The following LMTK2 variants were observed in gnomAD, a reference collection of about 807,000 sequenced individuals.
The protein encoded by LMTK2 is lemur tail kinase 2.
In LMTK2, 37 loss-of-function variants were observed where a neutral mutation model predicts 127.5. The observed-to-expected ratio is 0.29, with a 90% CI of 0.22 to 0.38. LMTK2 has a LOEUF of 0.38. Ranked by LOEUF, LMTK2 falls within the 10% of genes least tolerant of loss-of-function variation. LMTK2 has a pLI of 1.00. For synonymous variants in LMTK2, 819 were observed against 810.1 expected (o/e 1.01, Z -0.19); for missense variants, 1,694 against 1,920.3 (o/e 0.88, Z 2.20).
Position 98,107,089 on chromosome 7 carries a change from C to A in LMTK2, c.-89C>A. The A allele has an allele frequency of 9.8e-7, 1 of 1,021,826 alleles. No homozygotes were observed. Among genetic ancestry groups the A allele is most frequent in the Non-Finnish European group, 1.3e-6 (1 of 761,564 alleles). 63.3% of individuals were successfully genotyped at this position (1,021,826 alleles called of 1,614,324 possible). On this transcript the variant is annotated 5_prime_UTR_variant, in exon 1 of 14. Coordinates refer to ENST00000297293, the MANE Select transcript of LMTK2 (RefSeq NM_014916.4). Reference sequence around the variant, plus strand: ...ACCGGCGCGGGTGCCACTGAGGCAGCGGAGGGAGGCAGGATCGACTGACGG... The same window carrying A: ...ACCGGCGCGGGTGCCACTGAGGCAGAGGAGGGAGGCAGGATCGACTGACGG...
chr7:98,158,774 G>A (rs147517481), intron 5 of LMTK2, among the ~76,000 whole-genome samples: 40 of 152,230 alleles, frequency 2.6e-4, no homozygotes, highest in African/African-American at 8.2e-4. Context: ...TCTTTGGTTT[G>A]GATTTTGGTA....
At chr7:98,152,234 TTATC>T (rs927338362) in intron 4 of LMTK2, among the ~76,000 whole-genome samples, 2 of 152,192 alleles carry the variant, frequency 1.3e-5, no homozygotes, top group African/African-American at 4.8e-5. Flanking sequence ...GTTGATTTTT[TTATC>T]GTAGATGGCT....
chr7:98,185,582 T>C (rs1797421288), intron 8 of LMTK2, among the ~76,000 whole-genome samples: 1 of 152,130 alleles, frequency 6.6e-6, no homozygotes, highest in Non-Finnish European at 1.5e-5. Context: ...AGGAAATAAG[T>C]GAAGAAGTCA....
At chr7:98,138,041 GAGA>G (rs1796619787) in intron 2 of LMTK2, among the ~76,000 whole-genome samples, 1 of 152,212 alleles carries the variant, frequency 6.6e-6, no homozygotes, top group Non-Finnish European at 1.5e-5. Flanking sequence ...GAGGGTAATA[GAGA>G]AGATCTGGTT....
intron 2 of LMTK2, 130 bp from the exon 3 acceptor site, chr7:98,141,267 C>A: frequency 2.5e-6 from 2 of 787,852 alleles, no homozygotes; most frequent in Non-Finnish European, 4.1e-6. Context: ...ATTACATATG[C>A]TTTTTACTTA....
intron 1 of LMTK2, among the ~76,000 whole-genome samples, chr7:98,124,799 TA>T (rs1041775299): frequency 2.0e-5 from 3 of 151,158 alleles, no homozygotes; most frequent in African/African-American, 7.3e-5. Context: ...AAAAAAATAA[TA>T]ATAACATAAA....
rs1389160095 is a variant in LMTK2 at position 98,208,382 on chromosome 7, TTTG to T, written c.*2896_*2898del. On this transcript the variant is annotated 3_prime_UTR_variant, in exon 14 of 14. Coordinates refer to ENST00000297293, the MANE Select transcript of LMTK2 (RefSeq NM_014916.4). ...GCATGTGCTGTGTTCAGTTCAGGTT[TTTG>T]TTGTTTGTTTTGTTATTTTTTAACT... 2.6e-5 allele frequency: 4 copies of T among 152,320 alleles called. No homozygotes were observed. The East Asian group carries it at 7.7e-4, about 29-fold the overall frequency. 9.4% of individuals were successfully genotyped at this position (152,320 alleles called of 1,614,324 possible).
intron 3 of LMTK2, among the ~76,000 whole-genome samples, chr7:98,142,196 G>C (rs1796709132): frequency 6.6e-6 from 1 of 152,182 alleles, no homozygotes; most frequent in Non-Finnish European, 1.5e-5. Flanking sequence ...AGGGTTTTCT[G>C]AGATTGCCGC....
intron 11 of LMTK2, among the ~76,000 whole-genome samples, chr7:98,196,143 T>G (rs2116472853): frequency 6.6e-6 from 1 of 150,784 alleles, no homozygotes; most frequent in African/African-American, 2.4e-5. Flanking sequence ...GAGCCAAGAT[T>G]GCACCACTGC....
intron 2 of LMTK2, among the ~76,000 whole-genome samples, chr7:98,140,149 T>TCG (rs1562902746): frequency 1.2e-4 from 1 of 8,178 alleles, no homozygotes; most frequent in Non-Finnish European, 2.4e-4. Flanking sequence ...TTTCTTTTCT[T>TCG]TTCTTTTCTT....
chr7:98,143,699 G>A (rs1158588245), intron 3 of LMTK2, among the ~76,000 whole-genome samples: 1 of 152,174 alleles, frequency 6.6e-6, no homozygotes. Context: ...TGCTGAAGAT[G>A]TTCTTTCTGG....
chr7:98,156,021 G>GA (rs1000078448), intron 5 of LMTK2, among the ~76,000 whole-genome samples: 20 of 145,670 alleles, frequency 1.4e-4, no homozygotes, highest in East Asian at 2.0e-4. Context: ...AAACTCAACA[G>GA]AAAAAAAAAA....
chr7:98,205,803 G>T lies in LMTK2; in HGVS notation c.*311G>T. ...AGGGGCACAGCCTCCATGTGCGCGC[G>T]CGTGTGGAGCTGTGTGCACCGCATG... On this transcript the variant is annotated 3_prime_UTR_variant, in exon 14 of 14. Coordinates refer to ENST00000297293, the MANE Select transcript of LMTK2 (RefSeq NM_014916.4). 2.1e-6 allele frequency: 1 copy of T among 480,170 alleles called. No individual in the cohort carries two copies. Among genetic ancestry groups the T allele is most frequent in the Non-Finnish European group, 3.8e-6 (1 of 261,724 alleles). The allele number at this position is 480,170 out of a possible 1,614,324, so 29.7% of individuals were successfully genotyped here.
Position 98,171,584 on chromosome 7 carries a change from G to T in LMTK2, c.701G>T (p.Arg234Leu), listed in dbSNP as rs755759182. ...CTGCGCAGCGAGCAGGAGCACATGC[G>T]GGGGGACTCACAGACCATGCTGCTG... The part of the protein sequence containing the change: ...AYLRSEQEHM[R>L]GDSQTMLLQR... The change falls in exon 7 of 14, where the codon CGG becomes CTG. Residue 234 changes from arginine to leucine, a missense_variant. By Grantham distance (102) the Arg-to-Leu change is moderately radical. Around this residue, in one of 8 missense-constraint regions of LMTK2, gnomAD observed 203 missense variants for 226.2 expected, o/e 0.90. Transcript: ENST00000297293. The surrounding 1 kb of genome is among the most constrained non-coding windows in gnomAD (Gnocchi z 5.1). The T allele has an allele frequency of 5.6e-6, 9 of 1,613,536 alleles. No homozygotes were observed. In the South Asian group the frequency reaches 6.6e-5, roughly 12 times the overall value.
chr7:98,127,217 T>C (rs1425523908), intron 1 of LMTK2, among the ~76,000 whole-genome samples: 1 of 152,208 alleles, frequency 6.6e-6, no homozygotes, highest in Non-Finnish European at 1.5e-5. Flanking sequence ...CAGATTTTTT[T>C]CCCCAAGTAG....
intron 1 of LMTK2, among the ~76,000 whole-genome samples, chr7:98,109,249 G>C (rs776589085): frequency 1.4e-4 from 21 of 152,074 alleles, no homozygotes; most frequent in Non-Finnish European, 1.9e-4. Context: ...GGGTGTTGTA[G>C]AACAAAGCAA....
chr7:98,118,160 G>A (rs17169314), intron 1 of LMTK2, among the ~76,000 whole-genome samples: 9,933 of 152,164 alleles, frequency 0.065, 677 homozygotes, highest in East Asian at 0.33. Context: ...TTTTCTCCCT[G>A]TCACTTAAAC....
Position 98,159,743 on chromosome 7 carries a change from C to T in LMTK2, c.657+318C>T, listed in dbSNP as rs553516191. Among the ~76,000 whole-genome samples, 5 of 152,228 alleles carry T rather than the reference C, an allele frequency of 3.3e-5. No individual in the cohort carries two copies. The East Asian group carries it at 9.7e-4, about 29-fold the overall frequency. ...GCCATGGTGTGGATCAAGTGTGTAG[C>T]ACAGCCAGAGCCAGAGCTTGGGTCT... On this transcript the variant is annotated intron_variant, in intron 6 of 13. Transcript: ENST00000297293.
chr7:98,192,368 A>ATATATT lies in LMTK2; in HGVS notation c.1906_1907insATTTAT (p.Ile635_Phe636insTyrLeu), dbSNP rs1369281530. 6.3e-7 allele frequency: 1 copy of ATATATT among 1,597,304 alleles called. No individual in the cohort carries two copies. Among genetic ancestry groups the ATATATT allele is most frequent in the Admixed American group, 1.8e-5 (1 of 55,116 alleles). On this transcript the variant is annotated inframe_insertion, in exon 11 of 14. Transcript: ENST00000297293. ...TGGCCCCGAGAGCCCTTTCAACAAT[A>ATATATT]TATTTAATGATGTGGACAAATCGGA...
Sources: allele counts gnomAD v4.1 joint callset (sites outside exome capture counted in the v4.1 genomes callset), GRCh38; gene constraint gnomAD v4.1.1; regional missense constraint gnomAD v4.1.1; non-coding constraint Gnocchi (gnomAD v3.1); transcripts MANE v1.5; gene names NCBI Gene and HGNC (gene_info 2026-07-23, HGNC 2026-07-21).